WASHC5: variants seen among roughly 807,000 people sequenced by gnomAD.
WASHC5 encodes WASH complex subunit 5.
A neutral mutation model predicts 150.4 loss-of-function variants in WASHC5; 101 were observed. The ratio of observed to expected loss-of-function variants is 0.67; its 90% CI spans 0.57 to 0.79. The LOEUF (loss-of-function observed/expected upper bound fraction) is 0.79. Among genes scored for constraint, WASHC5 ranks in the 30% least tolerant of loss-of-function variants. The pLI is 0.00. For missense variants in WASHC5, 1,195 were observed against 1,396.3 expected, an observed-to-expected ratio of 0.86 and a Z score of 2.30; for synonymous variants, 467 against 491.2, an observed-to-expected ratio of 0.95 and a Z score of 0.65.
chr8:125,085,785 A>G (rs1817402184), intron 1 of WASHC5, among the ~76,000 whole-genome samples: 1 of 152,184 alleles, frequency 6.6e-6, no homozygotes, highest in South Asian at 2.1e-4. Context: ...GAAGCGAGAA[A>G]GACTTACACA....
chr8:125,039,026 G>C, intron 24 of WASHC5, 67 bp from the exon 25 acceptor site: 1 of 1,497,134 alleles, frequency 6.7e-7, no homozygotes, highest in South Asian at 1.1e-5. Flanking sequence ...AGTTAATATA[G>C]GGCAGTGATG....
intron 20 of WASHC5, among the ~76,000 whole-genome samples, chr8:125,045,463 A>G (rs773971426): frequency 3.3e-5 from 5 of 152,326 alleles, no homozygotes; most frequent in Non-Finnish European, 5.9e-5. Context: ...ACACTGAGAG[A>G]GGGACCCTGA....
chr8:125,029,797 C>T (rs1815475353), intron 27 of WASHC5, among the ~76,000 whole-genome samples: 1 of 152,172 alleles, frequency 6.6e-6, no homozygotes, highest in African/African-American at 2.4e-5. Context: ...TTGGCATTTT[C>T]TGATTAACAA....
chr8:125,077,570 A>T (rs1431931796), intron 6 of WASHC5, among the ~76,000 whole-genome samples: 1 of 152,234 alleles, frequency 6.6e-6, no homozygotes, highest in Non-Finnish European at 1.5e-5. Context: ...GCAAGGAGGA[A>T]ATGGAAGCAC....
chr8:125,039,016 A>G, intron 24 of WASHC5, 57 bp from the exon 25 acceptor site: 1 of 1,542,380 alleles, frequency 6.5e-7, no homozygotes, highest in Non-Finnish European at 9.0e-7. Context: ...TTTATACAAG[A>G]GTTAATATAG....
chr8:125,051,171 A>C (rs1049952755), intron 17 of WASHC5, among the ~76,000 whole-genome samples: 2 of 152,216 alleles, frequency 1.3e-5, no homozygotes, highest in Non-Finnish European at 2.9e-5. Context: ...TTCTTTCAGC[A>C]TTCTTGGAAT....
At chr8:125,030,432 C>T (rs1223751478) in intron 27 of WASHC5, among the ~76,000 whole-genome samples, 1 of 152,032 alleles carries the variant, frequency 6.6e-6, no homozygotes, top group Non-Finnish European at 1.5e-5. Flanking sequence ...CAGGAAAACA[C>T]CAGTGTTTGT....
In WASHC5 at chr8:125,086,988, C is replaced by T. The variant is rs185886826; in HGVS notation, c.-124-2966G>A. ...TAGACATATAAGGGATGAGGCTATT[C>T]GGCTTCTGCAGCCAGCAAAGCCCTC... On this transcript the variant is annotated intron_variant, in intron 1 of 28. Coordinates refer to ENST00000318410, the MANE Select transcript of WASHC5 (RefSeq NM_014846.4). 1.2e-4 allele frequency among the ~76,000 whole-genome samples: 19 copies of T among 152,334 alleles called. No individual in the cohort carries two copies. In the East Asian group the frequency reaches 1.7e-3, roughly 14 times the overall value.
chr8:125,057,052 A>G (rs1677504144), intron 15 of WASHC5, among the ~76,000 whole-genome samples: 3 of 152,224 alleles, frequency 2.0e-5, no homozygotes, highest in Non-Finnish European at 4.4e-5. Context: ...CCCATTTTAC[A>G]GATTTTAAAA....
At chr8:125,030,637 T>TAAAA (rs71295816) in intron 27 of WASHC5, among the ~76,000 whole-genome samples, 43 of 52,796 alleles carry the variant, frequency 8.1e-4, no homozygotes, top group South Asian at 2.6e-3. Context: ...CTCTTTCTCA[T>TAAAA]AAAAAAAAAA....
At chr8:125,045,135 C>T (rs1816024191) in intron 20 of WASHC5, 1 of 200,134 alleles carries the variant, frequency 5.0e-6, no homozygotes, top group African/African-American at 2.3e-5. Flanking sequence ...CCATATGCTA[C>T]CTAACATTTG....
chr8:125,072,730 G>C (rs147491558), intron 9 of WASHC5, among the ~76,000 whole-genome samples: 44 of 152,180 alleles, frequency 2.9e-4, no homozygotes, highest in African/African-American at 1.0e-3. Flanking sequence ...TCTCCTTAAA[G>C]GTCAGCTAAT....
At chr8:125,072,355 G>T (rs1001644646) in intron 9 of WASHC5, among the ~76,000 whole-genome samples, 7 of 105,226 alleles carry the variant, frequency 6.7e-5, no homozygotes, top group Admixed American at 2.8e-4. Flanking sequence ...AAAAAAGTGG[G>T]GGGGGGGGGC....
Position 125,038,811 on chromosome 8 carries a change from A to G in WASHC5, c.3084+19T>C. 1 of 1,613,332 alleles carries G rather than the reference A, an allele frequency of 6.2e-7. No individual in the cohort carries two copies. Among genetic ancestry groups the G allele is most frequent in the South Asian group, 1.1e-5 (1 of 91,068 alleles). ...ATTCTGTACCCCCATCCCCGCCATT[A>G]TATATTTTAATTACTCACCTTATTC... On this transcript the variant is annotated intron_variant, in intron 25 of 28. Transcript: ENST00000318410.
rs1350348773 is a variant in WASHC5, at chr8:125,091,751, G to T, written c.-261C>A. Reference sequence around the variant, plus strand: ...CCGGACCTGGAGCGGGTCAGACCCCGACTTCCGCCCCTGACTCCCCAGGCG... The same window carrying T: ...CCGGACCTGGAGCGGGTCAGACCCCTACTTCCGCCCCTGACTCCCCAGGCG... On this transcript the variant is annotated 5_prime_UTR_variant, in exon 1 of 29. Coordinates refer to ENST00000318410, the MANE Select transcript of WASHC5 (RefSeq NM_014846.4). 1 of 152,328 alleles carries T rather than the reference G, an allele frequency of 6.6e-6. No individual in the cohort carries two copies. The highest frequency in any genetic ancestry group is 1.5e-5 in the Non-Finnish European group (1 of 68,136). The allele number at this position is 152,328 out of a possible 1,614,324, so 9.4% of individuals were successfully genotyped here. A position where few individuals can be genotyped will look rare whatever the true frequency, so the allele number is the denominator to read the frequency against.
intron 16 of WASHC5, 99 bp from the exon 17 acceptor site, chr8:125,055,770 T>C: frequency 1.2e-6 from 1 of 801,258 alleles, no homozygotes. Context: ...GACACCTGTG[T>C]CCACATATTC....
intron 7 of WASHC5, 23 bp downstream of exon 7, chr8:125,076,325 G>T (rs774139430): frequency 3.7e-6 from 6 of 1,610,844 alleles, no homozygotes; most frequent in Non-Finnish European, 8.5e-7. Context: ...TTACTGTAGA[G>T]GAAAAAAATT....
At chr8:125,031,030 G>A (rs1815519723) in intron 27 of WASHC5, among the ~76,000 whole-genome samples, 1 of 152,186 alleles carries the variant, frequency 6.6e-6, no homozygotes, top group African/African-American at 2.4e-5. Context: ...CAGAGACACA[G>A]GTTCTAATAA....
chr8:125,037,998 T>C (rs532097210), intron 25 of WASHC5, among the ~76,000 whole-genome samples: 3 of 152,244 alleles, frequency 2.0e-5, no homozygotes, highest in African/African-American at 7.2e-5. Context: ...GCTCCTCCAC[T>C]TGCTAGCTGG....
Sources: allele counts gnomAD v4.1 joint callset (sites outside exome capture counted in the v4.1 genomes callset), GRCh38; gene constraint gnomAD v4.1.1; transcripts MANE v1.5; gene names NCBI Gene and HGNC (gene_info 2026-07-23, HGNC 2026-07-21).